Variants in ZFYVE16 observed in about 807,000 individuals in gnomAD.
ZFYVE16 encodes the protein zinc finger FYVE-type containing 16.
A neutral mutation model predicts 138.1 loss-of-function variants in ZFYVE16; 89 were observed. The ratio of observed to expected loss-of-function variants is 0.64; its 90% CI spans 0.54 to 0.77. The LOEUF (loss-of-function observed/expected upper bound fraction) is 0.77. Ranked by LOEUF, ZFYVE16 falls within the 30% of genes least tolerant of loss-of-function variation. The probability of loss-of-function intolerance (pLI) is 0.00; values close to 1 mark genes in which losing one functional copy is unlikely to be tolerated. For missense variants in ZFYVE16, 1,793 were observed against 1,786.7 expected (o/e 1.00, Z -0.06); for synonymous variants, 596 against 618.3 (o/e 0.96, Z 0.53).
intron 16 of ZFYVE16, 94 bp from the exon 17 acceptor site, chr5:80,473,660 A>G (rs953593449): frequency 8.8e-6 from 7 of 798,886 alleles, no homozygotes; most frequent in Non-Finnish European, 1.3e-5. Flanking sequence ...CTTCTTTTAT[A>G]TTTTTTCCCT....
chr5:80,417,733 C>G (rs1043031229), intron 1 of ZFYVE16, among the ~76,000 whole-genome samples: 1 of 152,188 alleles, frequency 6.6e-6, no homozygotes, highest in African/African-American at 2.4e-5. Flanking sequence ...TGAAGTACAT[C>G]TTGATTGCTT....
Position 80,480,566 on chromosome 5 carries a change from A to G in ZFYVE16, c.*3189A>G, listed in dbSNP as rs1446240318. Reference sequence around the variant, plus strand: ...AGAATTTTAAAAACTGATGAAAGACATGACCCCACACATTCTAGAAGCCAG... The same window carrying G: ...AGAATTTTAAAAACTGATGAAAGACGTGACCCCACACATTCTAGAAGCCAG... On this transcript the variant is annotated 3_prime_UTR_variant, in exon 19 of 19. Transcript: ENST00000505560. Among the ~76,000 whole-genome samples the G allele has an allele frequency of 6.6e-6, 1 of 152,234 alleles. No homozygotes were observed. Among genetic ancestry groups the G allele is most frequent in the Non-Finnish European group, 1.5e-5 (1 of 67,978 alleles).
chr5:80,429,241 A>G (rs1244382770), intron 2 of ZFYVE16, among the ~76,000 whole-genome samples: 7 of 152,384 alleles, frequency 4.6e-5, no homozygotes, highest in Non-Finnish European at 7.3e-5. Context: ...AGCCCATCAG[A>G]TTAACAGCTG....
At chr5:80,432,075 C>A (rs1021791792) in intron 2 of ZFYVE16, among the ~76,000 whole-genome samples, 23 of 151,922 alleles carry the variant, frequency 1.5e-4, no homozygotes, top group Admixed American at 7.9e-4. Flanking sequence ...ACAGAATTGG[C>A]AAAAACTACT....
rs904336330 is a variant in ZFYVE16 at position 80,451,382 on chromosome 5, T to C, written c.3383-103T>C. 22 of 804,046 alleles carry C rather than the reference T, an allele frequency of 2.7e-5. No individual in the cohort carries two copies. In the African/African-American group the frequency reaches 3.7e-4, roughly 13 times the overall value. 49.8% of individuals were successfully genotyped at this position (804,046 alleles called of 1,614,324 possible). On this transcript the variant is annotated intron_variant, in intron 10 of 18. Coordinates refer to ENST00000505560, the MANE Select transcript of ZFYVE16 (RefSeq NM_001284236.3). ...AGACAGTTTATATTGGGACAGTTTA[T>C]ATGTATTGGATCAGTTTTTTGGATT...
chr5:80,421,908 T>C (rs1431271506), intron 1 of ZFYVE16, among the ~76,000 whole-genome samples: 2 of 152,234 alleles, frequency 1.3e-5, no homozygotes, highest in African/African-American at 2.4e-5. Flanking sequence ...TTTCATGATA[T>C]TGATTCTTCC....
At chr5:80,446,377 AC>A (rs1332144522) in intron 7 of ZFYVE16, among the ~76,000 whole-genome samples, 1 of 152,178 alleles carries the variant, frequency 6.6e-6, no homozygotes, top group Non-Finnish European at 1.5e-5. Flanking sequence ...TTAACTAATT[AC>A]AAAATAAGGC....
chr5:80,431,010 C>T (rs1461381614), intron 2 of ZFYVE16, among the ~76,000 whole-genome samples: 1 of 152,168 alleles, frequency 6.6e-6, no homozygotes, highest in Non-Finnish European at 1.5e-5. Flanking sequence ...ACCAGAGGTA[C>T]AAGGAGGAGC....
At chr5:80,441,418 A>G (rs1277269398) in intron 5 of ZFYVE16, 1 of 985,252 alleles carries the variant, frequency 1.0e-6, no homozygotes, top group Non-Finnish European at 1.2e-6. Flanking sequence ...TTCTATTTTG[A>G]TGTCTTATAG....
chr5:80,421,285 A>G (rs1580116680), intron 1 of ZFYVE16, among the ~76,000 whole-genome samples: 2 of 152,094 alleles, frequency 1.3e-5, no homozygotes, highest in Admixed American at 1.3e-4. Context: ...TGCTGTGCAG[A>G]TGCTCTTTAG....
chr5:80,418,402 T>A (rs1162263526), intron 1 of ZFYVE16, among the ~76,000 whole-genome samples: 1 of 148,962 alleles, frequency 6.7e-6, no homozygotes, highest in Admixed American at 6.8e-5. Context: ...AACCTTCAAC[T>A]CCTGGGCTCA....
intron 15 of ZFYVE16, among the ~76,000 whole-genome samples, chr5:80,471,442 A>G (rs999249917): frequency 2.6e-5 from 4 of 152,188 alleles, no homozygotes; most frequent in African/African-American, 9.7e-5. Flanking sequence ...TTCTGCATAC[A>G]GATGTTATGT....
At chr5:80,473,098 C>T (rs992540516) in intron 16 of ZFYVE16, among the ~76,000 whole-genome samples, 175 bp downstream of exon 16, 2 of 152,106 alleles carry the variant, frequency 1.3e-5, no homozygotes, top group Non-Finnish European at 2.9e-5. Flanking sequence ...TAACTAGCCT[C>T]ATAAGTGGTG....
intron 7 of ZFYVE16, among the ~76,000 whole-genome samples, chr5:80,447,426 A>G (rs867014307): frequency 1.3e-5 from 2 of 152,194 alleles, no homozygotes; most frequent in Non-Finnish European, 2.9e-5. Flanking sequence ...GCTAGCACGC[A>G]CTGTCAATCT....
In ZFYVE16 at chr5:80,416,447, G is replaced by A. The variant is rs143812399; in HGVS notation, c.-94+8294G>A. Among the ~76,000 whole-genome samples, 946 of 151,474 alleles carry A rather than the reference G, an allele frequency of 6.2e-3. 10 individuals carry two copies. Among genetic ancestry groups the A allele is most frequent in the African/African-American group, 0.021 (873 of 41,264 alleles). ...ATTTTTGTGTTTTTAGTAGAGATGG[G>A]GTTTCACCATGTTGGCCAGGATGGT... On this transcript the variant is annotated intron_variant, in intron 1 of 18. Coordinates refer to ENST00000505560, the MANE Select transcript of ZFYVE16 (RefSeq NM_001284236.3).
chr5:80,432,562 C>T (rs1749221933), intron 2 of ZFYVE16, among the ~76,000 whole-genome samples: 2 of 152,166 alleles, frequency 1.3e-5, no homozygotes. Flanking sequence ...AAAGCAATGG[C>T]AACAAAAGCC....
At chr5:80,475,424 A>G (rs1237467625) in intron 18 of ZFYVE16, among the ~76,000 whole-genome samples, 2 of 152,246 alleles carry the variant, frequency 1.3e-5, no homozygotes, top group African/African-American at 4.8e-5. Context: ...GGTTCCCAGT[A>G]GAGTTGTATA....
chr5:80,481,927 C>G lies in ZFYVE16; in HGVS notation c.*4550C>G, dbSNP rs1755286227. Among the ~76,000 whole-genome samples the G allele has an allele frequency of 6.6e-6, 1 of 152,156 alleles. No individual in the cohort carries two copies. Among genetic ancestry groups the G allele is most frequent in the African/African-American group, 2.4e-5 (1 of 41,424 alleles). The stretch of plus-strand genomic sequence containing the variant: ...CTCCACCCCCAGGGTGCAAGTGATT[C>G]TCCTGTCTCAGCCTCCTGAGTAGCT... On this transcript the variant is annotated 3_prime_UTR_variant, in exon 19 of 19. Coordinates refer to ENST00000505560, the MANE Select transcript of ZFYVE16 (RefSeq NM_001284236.3).
intron 15 of ZFYVE16, among the ~76,000 whole-genome samples, chr5:80,460,977 T>G (rs1753044281): frequency 6.6e-6 from 1 of 152,244 alleles, no homozygotes; most frequent in African/African-American, 2.4e-5. Context: ...TTATTTTTAC[T>G]ATATCATTTC....
Sources: allele counts gnomAD v4.1 joint callset (sites outside exome capture counted in the v4.1 genomes callset), GRCh38; gene constraint gnomAD v4.1.1; transcripts MANE v1.5; gene names NCBI Gene and HGNC (gene_info 2026-07-23, HGNC 2026-07-21).